ARHGAP27: variants seen among roughly 807,000 people sequenced by gnomAD.
ARHGAP27 encodes rho GTPase-activating protein 27.
Under a neutral mutation model 102.0 loss-of-function variants are expected in ARHGAP27, and 53 were observed. The ratio of observed to expected loss-of-function variants is 0.52; its 90% CI spans 0.42 to 0.65. The LOEUF (loss-of-function observed/expected upper bound fraction) is 0.65. ARHGAP27 is among the 30% of genes least tolerant of loss of function. The probability of loss-of-function intolerance (pLI) is 0.00; values close to 1 mark genes in which losing one functional copy is unlikely to be tolerated. For synonymous variants in ARHGAP27, 525 were observed against 542.8 expected (o/e 0.97, Z 0.46); for missense variants, 1,117 against 1,256.2 (o/e 0.89, Z 1.68).
chr17:45,423,012 C>T (rs2684700), intron 4 of ARHGAP27, among the ~76,000 whole-genome samples: 70,012 of 151,406 alleles, frequency 0.46, 16,924 homozygotes, highest in South Asian at 0.59. Context: ...AAAATCACCT[C>T]TGTACTAAAA....
chr17:45,430,415 G>T lies in ARHGAP27; in HGVS notation c.-18-118C>A. The T allele has an allele frequency of 7.1e-7, 1 of 1,412,544 alleles. No individual in the cohort carries two copies. The highest frequency in any genetic ancestry group is 9.3e-7 in the Non-Finnish European group (1 of 1,075,926). The allele number at this position is 1,412,544 out of a possible 1,614,324, so 87.5% of individuals were successfully genotyped here. On this transcript the variant is annotated intron_variant, in intron 3 of 19. Coordinates refer to ENST00000685559, the MANE Select transcript of ARHGAP27 (RefSeq NM_001282290.2). This position sits in a 1 kb window ranked among gnomAD's most constrained non-coding sequence, Gnocchi z 4.4. ...TCCTGCACTCGCCGTTCGCCTTCGG[G>T]CCTCAGTTTTCCCATCTCTAAAATG...
rs1567704517 is a variant in ARHGAP27, at chr17:45,404,989, CG to C, written c.1182del (p.Gly395AlafsTer24). 1 of 1,613,882 alleles carries C rather than the reference CG, an allele frequency of 6.2e-7. No homozygotes were observed. The highest frequency in any genetic ancestry group is 1.1e-5 in the South Asian group (1 of 91,072). On this transcript the variant is annotated frameshift_variant, in exon 6 of 20. Transcript: ENST00000685559. LOFTEE classifies it high-confidence loss of function. Reference protein sequence around the residue: ...PGPTSPLTTPPGWSCHVSQDK... With the variant: ...PGPTSPLTTPXGWSCHVSQDK... ...TCCTGGCTGACATGACAAGACCAGCCGGGGGGTGTGGTCAAGGGAGAGGTAG... is the reference window on the plus strand; with the variant it reads ...TCCTGGCTGACATGACAAGACCAGCCGGGGGTGTGGTCAAGGGAGAGGTAG...
intron 12 of ARHGAP27, among the ~76,000 whole-genome samples, chr17:45,399,284 T>C (rs1224454623): frequency 6.6e-6 from 1 of 152,188 alleles, no homozygotes; most frequent in Non-Finnish European, 1.5e-5. Context: ...TTGAAGACTA[T>C]TTAAACTGCT....
intron 4 of ARHGAP27, chr17:45,407,412 G>A (rs1205702450): frequency 1.3e-5 from 2 of 151,636 alleles, no homozygotes; most frequent in African/African-American, 2.4e-5. Context: ...CAGCACCCTT[G>A]GCCCCACAGA....
chr17:45,396,807 C>T lies in ARHGAP27; in HGVS notation c.1952-17G>A. ...CGGGCGCGGCTGCCGCGGGGAAAGG[C>T]AGGACTGAGTCAGGAGGCAGCGCCA... On this transcript the variant is annotated splice_polypyrimidine_tract_variant and intron_variant, in intron 14 of 19. Coordinates refer to ENST00000685559, the MANE Select transcript of ARHGAP27 (RefSeq NM_001282290.2). The T allele has an allele frequency of 6.2e-7, 1 of 1,608,830 alleles. No homozygotes were observed.
At chr17:45,397,163 A>G in intron 13 of ARHGAP27, 139 bp from the exon 14 acceptor site, 1 of 1,453,976 alleles carries the variant, frequency 6.9e-7, no homozygotes, top group Non-Finnish European at 9.0e-7. Context: ...TCCCTTAACC[A>G]GGTTAACTCT....
At chr17:45,429,158 G>A (rs565252510) in intron 4 of ARHGAP27, among the ~76,000 whole-genome samples, 1 of 152,218 alleles carries the variant, frequency 6.6e-6, no homozygotes, top group Admixed American at 6.5e-5. Flanking sequence ...CCCCCGTTCC[G>A]TGCCCAGATG....
intron 4 of ARHGAP27, among the ~76,000 whole-genome samples, chr17:45,428,203 C>T (rs1426612958): frequency 6.6e-6 from 1 of 152,256 alleles, no homozygotes; most frequent in Non-Finnish European, 1.5e-5. Flanking sequence ...CCCAGCCCCG[C>T]CCGCCGGGTG....
intron 10 of ARHGAP27, 81 bp downstream of exon 10, chr17:45,403,948 A>G (rs1304921235): frequency 2.0e-6 from 3 of 1,467,408 alleles, no homozygotes; most frequent in Admixed American, 3.6e-5. Flanking sequence ...GATTAATAAG[A>G]GCCTGGCATA....
rs2045971197 is a variant in ARHGAP27, at chr17:45,398,175, G to A, written c.1744-128C>T. 5 of 582,796 alleles carry A rather than the reference G, an allele frequency of 8.6e-6. No individual in the cohort carries two copies. The South Asian group carries it at 1.8e-4, about 21-fold the overall frequency. 36.1% of individuals were successfully genotyped at this position (582,796 alleles called of 1,614,324 possible). On this transcript the variant is annotated intron_variant, in intron 12 of 19. Transcript: ENST00000685559. ...GCCCCCAGGCACTCAGAGCTTAATGGAGCAAGGGCCTCACCCCAGGCTAAG... is the reference window on the plus strand; with the variant it reads ...GCCCCCAGGCACTCAGAGCTTAATGAAGCAAGGGCCTCACCCCAGGCTAAG...
At position 45,398,035 on chromosome 17, in the gene ARHGAP27, C is replaced by T. The variant is rs35717383; in HGVS notation, c.1756G>A (p.Asp586Asn). 3.2e-5 allele frequency: 51 copies of T among 1,603,692 alleles called. No individual in the cohort carries two copies. The East Asian group carries it at 1.1e-3, about 34-fold the overall frequency. The change falls in exon 13 of 20, where the codon GAT becomes AAT. Residue 586 changes from aspartate to asparagine, a missense_variant. Physicochemically the swap from Asp to Asn is conservative, Grantham distance 23. This residue lies in a region of ARHGAP27 where 493 missense variants were observed against 505.5 expected (regional missense o/e 0.98). Coordinates refer to ENST00000685559, the MANE Select transcript of ARHGAP27 (RefSeq NM_001282290.2). Reference sequence around the variant, plus strand: ...TGCTGGATCAGGTACTCAGAGCCATCTCGGCTCCGTAGCTGGAGGGACACA... The same window carrying T: ...TGCTGGATCAGGTACTCAGAGCCATTTCGGCTCCGTAGCTGGAGGGACACA... ...RKNVLELRSR[D>N]GSEYLIQHDS...
At position 45,395,735 on chromosome 17, in the gene ARHGAP27, C is replaced by A. The variant is rs776768269; in HGVS notation, c.2492+9G>T. 6.3e-7 allele frequency: 1 copy of A among 1,584,742 alleles called. No homozygotes were observed. Among genetic ancestry groups the A allele is most frequent in the South Asian group, 1.1e-5 (1 of 87,912 alleles). On this transcript the variant is annotated intron_variant, in intron 19 of 19. Coordinates refer to ENST00000685559, the MANE Select transcript of ARHGAP27 (RefSeq NM_001282290.2). ...GCCTCCCCCTTCCCGCGCGGGCCGC[C>A]CGGCTCACCGGCAGAGGTGCTGGAA...
At chr17:45,420,239 C>G (rs1283543538) in intron 4 of ARHGAP27, among the ~76,000 whole-genome samples, 1 of 152,140 alleles carries the variant, frequency 6.6e-6, no homozygotes, top group Non-Finnish European at 1.5e-5. Context: ...GGAGACAGAA[C>G]CTCTCTAGGT....
chr17:45,410,291 T>C (rs1377668722), intron 4 of ARHGAP27: 1 of 1,528,826 alleles, frequency 6.5e-7, no homozygotes, highest in Non-Finnish European at 8.7e-7. Context: ...TCCACCATCC[T>C]GGCCCCTCTG....
chr17:45,410,061 C>T, intron 4 of ARHGAP27: 1 of 834,624 alleles, frequency 1.2e-6, no homozygotes, highest in Non-Finnish European at 1.8e-6. Flanking sequence ...GCCACTCTTG[C>T]CCCAAGCTGA....
At position 45,395,428 on chromosome 17, in the gene ARHGAP27, G is replaced by C. The variant is rs778595065; in HGVS notation, c.*28C>G. 2 of 1,537,958 alleles carry C rather than the reference G, an allele frequency of 1.3e-6. No individual in the cohort carries two copies. The highest frequency in any genetic ancestry group is 1.8e-6 in the Non-Finnish European group (2 of 1,138,430). On this transcript the variant is annotated 3_prime_UTR_variant, in exon 20 of 20. Transcript: ENST00000685559. Reference sequence around the variant, plus strand: ...CGCCCAGCTTGTGTGGCAGGACCGCGGCCGCCGCCCCAGTCACAGGCCAGC... The same window carrying C: ...CGCCCAGCTTGTGTGGCAGGACCGCCGCCGCCGCCCCAGTCACAGGCCAGC...
rs2045614743 is a variant in ARHGAP27, at chr17:45,396,082, C to T, written c.2287G>A (p.Asp763Asn). The T allele has an allele frequency of 6.2e-7, 1 of 1,613,502 alleles. No individual in the cohort carries two copies. Among genetic ancestry groups the T allele is most frequent in the Admixed American group, 1.7e-5 (1 of 59,890 alleles). Reference sequence around the variant, plus strand: ...AGGGCTCCGGTGATAACGTGGACGTCCTCCCAGCGCCCGTCATCCAGGTCA... The same window carrying T: ...AGGGCTCCGGTGATAACGTGGACGTTCTCCCAGCGCCCGTCATCCAGGTCA... The part of the protein sequence containing the change: ...RLDLDDGRWE[D>N]VHVITGALKL... Residue 763 changes from aspartate (D) to asparagine (N), a missense_variant, in exon 18 of 20, where the codon GAC (aspartate) becomes AAC (asparagine). Transcript: ENST00000685559.
chr17:45,412,462 A>G (rs2048022224), intron 4 of ARHGAP27, among the ~76,000 whole-genome samples: 1 of 152,186 alleles, frequency 6.6e-6, no homozygotes. Context: ...GAGCAGGTGC[A>G]CTAGGAAGAC....
chr17:45,419,154 C>T (rs2048771241), intron 4 of ARHGAP27, among the ~76,000 whole-genome samples: 1 of 152,172 alleles, frequency 6.6e-6, no homozygotes, highest in Non-Finnish European at 1.5e-5. Flanking sequence ...AAGATGCCAT[C>T]ACAGGTCATG....
Sources: gnomAD v4.1 joint callset for allele counts (sites outside exome capture counted in the v4.1 genomes callset) on GRCh38, gnomAD v4.1.1 for gene constraint, gnomAD v4.1.1 regional missense constraint, Gnocchi (gnomAD v3.1) non-coding constraint, MANE v1.5 for transcripts, NCBI Gene and HGNC (gene_info 2026-07-23, HGNC 2026-07-21) for gene names.